The following GNL3L variants were observed in gnomAD, a reference collection of about 807,000 sequenced individuals.
The protein encoded by GNL3L is guanine nucleotide-binding protein-like 3-like protein.
A neutral mutation model predicts 42.9 loss-of-function variants in GNL3L; 4 were observed. That is an observed-to-expected ratio of 0.09 (90% CI 0.05 to 0.21). The LOEUF (loss-of-function observed/expected upper bound fraction) is 0.21. GNL3L is among the 10% of genes least tolerant of loss of function. The pLI is 1.00. For missense variants in GNL3L, 412 were observed against 481.7 expected, an observed-to-expected ratio of 0.86 and a Z score of 1.36; for synonymous variants, 159 against 176.3, an observed-to-expected ratio of 0.90 and a Z score of 0.78.
At chrX:54,591,246 A>G (rs1383019065) in intron 16 of GNL3L, among the ~76,000 whole-genome samples, 2 of 110,856 alleles carry the variant, frequency 1.8e-5, no homozygotes, top group Non-Finnish European at 3.8e-5. Context: ...AGCACCATTT[A>G]TTGAAGAGAC....
chrX:54,538,423 C>T (rs946240157), intron 2 of GNL3L, among the ~76,000 whole-genome samples: 1 of 111,850 alleles, frequency 8.9e-6, no homozygotes, highest in Non-Finnish European at 1.9e-5. Flanking sequence ...TCCCAATAGG[C>T]CAACTGTGAA....
chrX:54,544,006 G>A lies in GNL3L; in HGVS notation c.527-217G>A, dbSNP rs183546324. 1.6e-3 allele frequency: 547 copies of A among 333,493 alleles called. 1 individual carries two copies. The highest frequency in any genetic ancestry group is 2.5e-3 in the Non-Finnish European group (483 of 191,625). 27.5% of individuals were successfully genotyped at this position (333,493 alleles called of 1,213,427 possible). On this transcript the variant is annotated intron_variant, in intron 7 of 15. Transcript: ENST00000360845. ...AGCTAGTTTGTCCATTTTCCCTGAG[G>A]GAACAGAGGCCCCTTCAGGGAGGGC...
At chrX:54,611,496 C>G (rs1381498511) in intron 16 of GNL3L, among the ~76,000 whole-genome samples, 1 of 111,663 alleles carries the variant, frequency 9.0e-6, no homozygotes, top group African/African-American at 3.2e-5. Context: ...GGACTATAAA[C>G]TTTCCTCTTA....
At chrX:54,574,618 G>A (rs1371323512) in intron 16 of GNL3L, among the ~76,000 whole-genome samples, 2 of 111,902 alleles carry the variant, frequency 1.8e-5, no homozygotes, top group East Asian at 2.8e-4. Flanking sequence ...TCTGTTTTTG[G>A]TATCAGAATA....
chrX:54,532,421 A>C, intron 1 of GNL3L, 99 bp from the exon 2 acceptor site: 1 of 517,387 alleles, frequency 1.9e-6, no homozygotes, highest in Non-Finnish European at 3.3e-6. Context: ...CCTTCCTCAT[A>C]ATGTTCTTTA....
At chrX:54,583,485 C>T (rs953959142) in intron 16 of GNL3L, among the ~76,000 whole-genome samples, 1 of 111,262 alleles carries the variant, frequency 9.0e-6, no homozygotes, top group Admixed American at 9.6e-5. Context: ...AGAGCCACTG[C>T]ACCCGGCCAT....
In GNL3L at chrX:54,539,106, G is replaced by A. The variant is rs1601977403; in HGVS notation, c.81+5G>A. On this transcript the variant is annotated splice_donor_5th_base_variant and intron_variant, in intron 3 of 15. Transcript: ENST00000360845. ...ATAAGTTGGCCCTACCCTCAGGTAAGGTATGCCTGTTGTTGAGGGTAAGGT... is the reference window on the plus strand; with the variant it reads ...ATAAGTTGGCCCTACCCTCAGGTAAAGTATGCCTGTTGTTGAGGGTAAGGT... 10 of 1,063,001 alleles carry A rather than the reference G, an allele frequency of 9.4e-6. No homozygotes were observed. The East Asian group carries it at 3.0e-4, about 32-fold the overall frequency. The allele number at this position is 1,063,001 out of a possible 1,213,427, so 87.6% of individuals were successfully genotyped here. A position where few individuals can be genotyped will look rare whatever the true frequency, so the allele number is the denominator to read the frequency against.
intron 16 of GNL3L, among the ~76,000 whole-genome samples, chrX:54,589,111 C>T (rs1376691517): frequency 1.8e-5 from 2 of 111,244 alleles, no homozygotes; most frequent in Non-Finnish European, 3.8e-5. Context: ...GAAATGAACA[C>T]ATCATGGAGA....
chrX:54,555,960 A>G (rs1268404108), intron 14 of GNL3L, among the ~76,000 whole-genome samples: 1 of 109,983 alleles, frequency 9.1e-6, no homozygotes, highest in Admixed American at 9.8e-5. Context: ...CTGCCAGTCC[A>G]TCCTCCATCT....
intron 16 of GNL3L, among the ~76,000 whole-genome samples, chrX:54,609,385 G>A (rs1464144894): frequency 8.9e-6 from 1 of 112,322 alleles, no homozygotes; most frequent in African/African-American, 3.2e-5. Context: ...TGTTTGTATT[G>A]CATTTGCTTT....
chrX:54,580,001 T>G (rs1361476082), intron 16 of GNL3L, among the ~76,000 whole-genome samples: 12 of 104,002 alleles, frequency 1.2e-4, no homozygotes, highest in East Asian at 2.9e-4. Flanking sequence ...TTTTTTTTTT[T>G]TTTTTTTTTT....
At chrX:54,588,751 G>T (rs1484453424) in intron 16 of GNL3L, among the ~76,000 whole-genome samples, 1 of 111,682 alleles carries the variant, frequency 9.0e-6, no homozygotes, top group Non-Finnish European at 1.9e-5. Context: ...TTTGAACCCG[G>T]AAGGTGGAGG....
downstream of GNL3L, among the ~76,000 whole-genome samples, chrX:54,623,871 TTGCTGAATTTGTTTATATAC>T (rs1295930903): frequency 3.9e-4 from 44 of 111,549 alleles, no homozygotes; most frequent in African/African-American, 1.3e-3. Context: ...CTCTGTAACT[TTGCTGAATTTGTTTATATAC>T]TCTTGTAGCT....
intron 16 of GNL3L, among the ~76,000 whole-genome samples, chrX:54,583,031 TGA>T (rs1293879044): frequency 8.9e-6 from 1 of 111,939 alleles, no homozygotes; most frequent in East Asian, 2.8e-4. Flanking sequence ...TCTGGAGTCT[TGA>T]GAGAGTTCTT....
chrX:54,537,651 A>G (rs774473664), intron 2 of GNL3L, among the ~76,000 whole-genome samples: 1 of 111,251 alleles, frequency 9.0e-6, no homozygotes, highest in Non-Finnish European at 1.9e-5. Flanking sequence ...ACAGAGTCTC[A>G]CTATGTTGCC....
intron 5 of GNL3L, 127 bp downstream of exon 5, chrX:54,541,516 A>C: frequency 6.3e-6 from 2 of 315,769 alleles, no homozygotes; most frequent in Non-Finnish European, 5.9e-6. Flanking sequence ...AGGATAGAAA[A>C]CCATGGGGAC....
At chrX:54,555,539 C>T (rs768221152) in intron 14 of GNL3L, among the ~76,000 whole-genome samples, 1 of 108,625 alleles carries the variant, frequency 9.2e-6, no homozygotes, top group Non-Finnish European at 1.9e-5. Context: ...GGTGTGATCT[C>T]AGCTCACTGC....
intron 13 of GNL3L, among the ~76,000 whole-genome samples, chrX:54,553,148 A>G (rs1223755981): frequency 8.9e-6 from 1 of 112,339 alleles, no homozygotes; most frequent in Non-Finnish European, 1.9e-5. Context: ...GGCATATAGT[A>G]AATAGATGCT....
At chrX:54,608,548 C>T (rs1359775383) in intron 16 of GNL3L, among the ~76,000 whole-genome samples, 1 of 109,009 alleles carries the variant, frequency 9.2e-6, no homozygotes, top group African/African-American at 3.3e-5. Context: ...TCGTATCATT[C>T]TTATGCCTTT....
Sources: gnomAD v4.1 joint callset for allele counts (sites outside exome capture counted in the v4.1 genomes callset) on GRCh38, gnomAD v4.1.1 for gene constraint, MANE v1.5 for transcripts, NCBI Gene and HGNC (gene_info 2026-07-23, HGNC 2026-07-21) for gene names.